Variants in SUCO observed in about 807,000 individuals in gnomAD.
SUCO encodes SUN domain containing ossification factor, also known as SUN domain-containing ossification factor.
Under a neutral mutation model 148.1 loss-of-function variants are expected in SUCO, and 57 were observed. The observed-to-expected ratio is 0.38, with a 90% CI of 0.31 to 0.48. SUCO has a LOEUF of 0.48. Among genes scored for constraint, SUCO ranks in the 20% least tolerant of loss-of-function variants. The probability of loss-of-function intolerance (pLI) is 0.96; values close to 1 mark genes in which losing one functional copy is unlikely to be tolerated. For missense variants in SUCO, 1,331 were observed against 1,468.2 expected, an observed-to-expected ratio of 0.91 and a Z score of 1.53; for synonymous variants, 470 against 502.7, an observed-to-expected ratio of 0.93 and a Z score of 0.87.
intron 23 of SUCO, 60 bp from the exon 24 acceptor site, chr1:172,609,756 T>A: frequency 6.5e-7 from 1 of 1,537,714 alleles, no homozygotes; most frequent in Non-Finnish European, 8.7e-7. Flanking sequence ...GCTCTCTAGG[T>A]GTTTGATAAG....
At chr1:172,571,479 A>G (rs111361392) in intron 9 of SUCO, among the ~76,000 whole-genome samples, 21 of 149,488 alleles carry the variant, frequency 1.4e-4, no homozygotes, top group African/African-American at 5.0e-4. Context: ...CCCGGCCGCC[A>G]CCCCGTCTGG....
intron 15 of SUCO, among the ~76,000 whole-genome samples, chr1:172,584,641 C>T (rs1281548153): frequency 3.9e-5 from 6 of 152,030 alleles, no homozygotes; most frequent in Admixed American, 3.9e-4. Context: ...GACGTGGTGG[C>T]ATGTGCCTGT....
At chr1:172,571,587 C>G (rs994961797) in intron 9 of SUCO, among the ~76,000 whole-genome samples, 1 of 143,842 alleles carries the variant, frequency 7.0e-6, no homozygotes, top group Non-Finnish European at 1.5e-5. Context: ...CGTCTCTGCC[C>G]GGCCGCCATC....
At chr1:172,609,554 A>G in intron 23 of SUCO, 1 of 984,166 alleles carries the variant, frequency 1.0e-6, no homozygotes, top group Non-Finnish European at 1.2e-6. Flanking sequence ...AGGTATTCAG[A>G]TATTAGTATC....
chr1:172,543,979 G>A (rs373070534), intron 1 of SUCO: 1 of 153,136 alleles, frequency 6.5e-6, no homozygotes, highest in Non-Finnish European at 1.5e-5. Context: ...TAGAGGCCTG[G>A]TGATCTTTTG....
intron 17 of SUCO, chr1:172,588,373 T>C (rs894192473): frequency 2.0e-6 from 2 of 985,370 alleles, no homozygotes; most frequent in South Asian, 4.7e-5. Flanking sequence ...CTTAGTTGGC[T>C]TAATTTCTGA....
chr1:172,553,262 T>C lies in SUCO; in HGVS notation c.180T>C (p.Asp60=), dbSNP rs747880178. 1.3e-6 allele frequency: 2 copies of C among 1,582,680 alleles called. No homozygotes were observed. The highest frequency in any genetic ancestry group is 1.2e-5 in the South Asian group (1 of 86,726). The change falls in exon 3 of 24, where the codon GAT becomes GAC. Residue 60 remains aspartate, a splice_region_variant and synonymous_variant. Coordinates refer to ENST00000263688, the MANE Select transcript of SUCO (RefSeq NM_014283.5). ...ENEDVQFQKK[D]EREGPINAES... Reference sequence around the variant, plus strand: ...TTTTTGTTGTTGTTGTTATATAGGATGAAAGAGAGGGACCTATCAATGCCG... The same window carrying C: ...TTTTTGTTGTTGTTGTTATATAGGACGAAAGAGAGGGACCTATCAATGCCG...
chr1:172,544,617 AAG>A (rs1453216247), intron 1 of SUCO, among the ~76,000 whole-genome samples: 2 of 152,176 alleles, frequency 1.3e-5, no homozygotes, highest in African/African-American at 4.8e-5. Flanking sequence ...ACATTCTTGA[AAG>A]AGGGAACAGC....
Position 172,608,729 on chromosome 1 carries a change from T to C in SUCO, c.3266-18T>C. 6.5e-7 allele frequency: 1 copy of C among 1,548,900 alleles called. No homozygotes were observed. Among genetic ancestry groups the C allele is most frequent in the East Asian group, 2.3e-5 (1 of 44,378 alleles). ...CACTTTACATTTTACATCTGCTTTT[T>C]TTTTTTTTTACTTACAGTAGACCCA... On this transcript the variant is annotated intron_variant, in intron 22 of 23. Coordinates refer to ENST00000263688, the MANE Select transcript of SUCO (RefSeq NM_014283.5).
Position 172,594,297 on chromosome 1 carries a change from T to C in SUCO, c.2913+3226T>C, listed in dbSNP as rs545653394. On this transcript the variant is annotated intron_variant, in intron 19 of 23. Transcript: ENST00000263688. ...CTGTCTCCTTCAGTTCTGCTCTGAT[T>C]TTAGTTATTTCTTGCCTTCTGCTAG... Among the ~76,000 whole-genome samples, 109 of 152,160 alleles carry C rather than the reference T, an allele frequency of 7.2e-4. 1 individual carries two copies. The highest frequency in any genetic ancestry group is 1.3e-3 in the Non-Finnish European group (88 of 67,988).
intron 9 of SUCO, among the ~76,000 whole-genome samples, chr1:172,572,241 G>A (rs1391535143): frequency 6.6e-6 from 1 of 150,950 alleles, no homozygotes; most frequent in African/African-American, 2.4e-5. Context: ...GACAATGGTG[G>A]TTTTGTGGAA....
At chr1:172,547,202 A>G (rs995786180) in intron 1 of SUCO, among the ~76,000 whole-genome samples, 2 of 152,130 alleles carry the variant, frequency 1.3e-5, no homozygotes, top group African/African-American at 4.8e-5. Flanking sequence ...AGATTTACCC[A>G]TTTTGTTTCC....
chr1:172,602,048 C>A lies in SUCO; in HGVS notation c.3019-16C>A. On this transcript the variant is annotated splice_polypyrimidine_tract_variant and intron_variant, in intron 20 of 23. Transcript: ENST00000263688. The stretch of plus-strand genomic sequence containing the variant: ...TGATTTCCTATGATTATTATTTAAC[C>A]CTCTTCTCATCTCAGGTTTCAGATC... 6.3e-7 allele frequency: 1 copy of A among 1,583,922 alleles called. No individual in the cohort carries two copies. The highest frequency in any genetic ancestry group is 8.6e-7 in the Non-Finnish European group (1 of 1,165,850).
chr1:172,563,108 C>A (rs927616535), intron 6 of SUCO, among the ~76,000 whole-genome samples: 6 of 152,174 alleles, frequency 3.9e-5, no homozygotes, highest in African/African-American at 1.4e-4. Flanking sequence ...AAAAATTAAA[C>A]CTCTTTTCTT....
rs772513597 is a variant in SUCO, at chr1:172,610,960, G to C, written c.*701G>C. The C allele has an allele frequency of 6.6e-6, 1 of 152,442 alleles. No individual in the cohort carries two copies. The highest frequency in any genetic ancestry group is 6.6e-5 in the Admixed American group (1 of 15,260). The allele number at this position is 152,442 out of a possible 1,614,324, so 9.4% of individuals were successfully genotyped here. On this transcript the variant is annotated 3_prime_UTR_variant, in exon 24 of 24. Transcript: ENST00000263688. ...ACTCAATGAGGAAAAATCCCTACAG[G>C]ATCTTTTTTTGCAAACAACTGATAT...
At chr1:172,567,151 A>G (rs1325384230) in intron 6 of SUCO, among the ~76,000 whole-genome samples, 1 of 152,244 alleles carries the variant, frequency 6.6e-6, no homozygotes, top group Non-Finnish European at 1.5e-5. Flanking sequence ...AAATAGTCCC[A>G]GAAGTTATGG....
In SUCO at chr1:172,555,599, G is replaced by A. The variant is rs188184390; in HGVS notation, c.289-270G>A. ...TTAGAGAAGAGGGAAATCTCTGTAG[G>A]TCCTGATGCAAAGTAGGAAATAGGT... On this transcript the variant is annotated intron_variant, in intron 3 of 23. Coordinates refer to ENST00000263688, the MANE Select transcript of SUCO (RefSeq NM_014283.5). Among the ~76,000 whole-genome samples, 136 of 152,232 alleles carry A rather than the reference G, an allele frequency of 8.9e-4. 1 individual carries two copies. Among genetic ancestry groups the A allele is most frequent in the East Asian group, 7.5e-3 (39 of 5,186 alleles).
intron 15 of SUCO, among the ~76,000 whole-genome samples, chr1:172,580,580 T>C (rs1361354000): frequency 6.6e-6 from 1 of 152,220 alleles, no homozygotes; most frequent in Non-Finnish European, 1.5e-5. Context: ...ATTCTGCCAT[T>C]TATGTAGCTC....
At chr1:172,583,448 ATT>A (rs2149256230) in intron 15 of SUCO, among the ~76,000 whole-genome samples, 1 of 152,236 alleles carries the variant, frequency 6.6e-6, no homozygotes, top group Non-Finnish European at 1.5e-5. Flanking sequence ...ATTATGGCTG[ATT>A]CCTAGCTATC....
Sources: allele counts gnomAD v4.1 joint callset (sites outside exome capture counted in the v4.1 genomes callset), GRCh38; gene constraint gnomAD v4.1.1; transcripts MANE v1.5; gene names NCBI Gene and HGNC (gene_info 2026-07-23, HGNC 2026-07-21).